BRWD1: variants seen among roughly 807,000 people sequenced by gnomAD.
The protein encoded by BRWD1 is bromodomain and WD repeat-containing protein 1.
BRWD1 carries 82 observed loss-of-function variants against 251.2 expected under a neutral mutation model. The ratio of observed to expected loss-of-function variants is 0.33; its 90% CI spans 0.27 to 0.39. The LOEUF (loss-of-function observed/expected upper bound fraction) is 0.39, where lower values mean the gene tolerates loss of function less well. BRWD1 is among the 10% of genes least tolerant of loss of function. The pLI, the probability that BRWD1 is intolerant of heterozygous loss-of-function variation, is 1.00. For synonymous variants in BRWD1, 918 were observed against 902.8 expected, an observed-to-expected ratio of 1.02 and a Z score of -0.30; for missense variants, 2,233 against 2,711.6, an observed-to-expected ratio of 0.82 and a Z score of 3.92.
rs917014569 is a variant in BRWD1 at position 39,193,013 on chromosome 21, G to A, written c.*3246C>T. ...TAATTTTTACTTACGAGGTCATAAC[G>A]AGTGCAAAGGGCTTAGTGATGCATC... On this transcript the variant is annotated 3_prime_UTR_variant, in exon 41 of 41. Coordinates refer to ENST00000342449, the MANE Select transcript of BRWD1 (RefSeq NM_033656.4). 1.3e-5 allele frequency: 13 copies of A among 984,978 alleles called. No individual in the cohort carries two copies. Among genetic ancestry groups the A allele is most frequent in the Middle Eastern group, 5.2e-4 (1 of 1,914 alleles). 61.0% of individuals were successfully genotyped at this position (984,978 alleles called of 1,614,324 possible).
intron 37 of BRWD1, among the ~76,000 whole-genome samples, chr21:39,203,434 GGTTC>G (rs1379586577): frequency 4.7e-4 from 30 of 64,284 alleles, no homozygotes; most frequent in Non-Finnish European, 5.9e-4. Context: ...GCAAGACCCT[GGTTC>G]TTTTTTTTTT....
chr21:39,286,055 C>T (rs1456784711), intron 8 of BRWD1, among the ~76,000 whole-genome samples: 1 of 139,068 alleles, frequency 7.2e-6, no homozygotes, highest in Non-Finnish European at 1.5e-5. Flanking sequence ...CGCTCTGTCG[C>T]CCAGGCTAGA....
At chr21:39,225,747 A>G (rs1400924858) in intron 27 of BRWD1, among the ~76,000 whole-genome samples, 2 of 152,208 alleles carry the variant, frequency 1.3e-5, no homozygotes, top group African/African-American at 4.8e-5. Flanking sequence ...ATAATGCCAT[A>G]ACTACTAGAC....
rs2031364355 is a variant in BRWD1, at chr21:39,188,405, A to G, written c.*7854T>C. On this transcript the variant is annotated 3_prime_UTR_variant, in exon 41 of 41. Transcript: ENST00000342449. ...TTGATATCCTCCACCCACACTAGACATCTGGAGGACTCCACCACATTCTTT... is the reference window on the plus strand; with the variant it reads ...TTGATATCCTCCACCCACACTAGACGTCTGGAGGACTCCACCACATTCTTT... 1 of 985,284 alleles carries G rather than the reference A, an allele frequency of 1.0e-6. No individual in the cohort carries two copies. The highest frequency in any genetic ancestry group is 1.7e-5 in the African/African-American group (1 of 57,232). The allele number at this position is 985,284 out of a possible 1,614,324, so 61.0% of individuals were successfully genotyped here.
intron 19 of BRWD1, among the ~76,000 whole-genome samples, chr21:39,251,948 CA>C (rs1256871264): frequency 6.6e-6 from 1 of 152,004 alleles, no homozygotes; most frequent in Non-Finnish European, 1.5e-5. Flanking sequence ...GTGGTATTAG[CA>C]AAGATCATAG....
At chr21:39,312,648 T>C (rs1180086440) in intron 4 of BRWD1, 193 bp downstream of exon 4, 3 of 417,214 alleles carry the variant, frequency 7.2e-6, no homozygotes, top group Non-Finnish European at 1.3e-5. Flanking sequence ...CCAATGACTG[T>C]TTCCTGCCAA....
At chr21:39,221,275 A>C (rs1026574974) in intron 29 of BRWD1, among the ~76,000 whole-genome samples, 4 of 152,174 alleles carry the variant, frequency 2.6e-5, no homozygotes, top group Non-Finnish European at 5.9e-5. Context: ...TTAGTGCCTA[A>C]CTTGATGCCC....
chr21:39,233,741 C>G (rs561069421), intron 23 of BRWD1, among the ~76,000 whole-genome samples: 1 of 152,182 alleles, frequency 6.6e-6, no homozygotes, highest in South Asian at 2.1e-4. Context: ...GTAGCTTGGC[C>G]GGGCGCCATG....
At chr21:39,281,771 G>T (rs2035464500) in intron 8 of BRWD1, among the ~76,000 whole-genome samples, 1 of 152,128 alleles carries the variant, frequency 6.6e-6, no homozygotes, top group African/African-American at 2.4e-5. Context: ...AGGAGGCTGA[G>T]GCAGGAGAAT....
At position 39,313,611 on chromosome 21, in the gene BRWD1, C is replaced by A. The variant is rs1239978413; in HGVS notation, c.-120G>T. On this transcript the variant is annotated 5_prime_UTR_variant, in exon 1 of 41. Transcript: ENST00000342449. ...CGCGCGCCGCCGCCGCCGCCGCCGC[C>A]GCCATACCGTGCGCGCCGCCTGGAC... is the stretch of plus-strand genomic sequence containing the variant. 6 of 815,118 alleles carry A rather than the reference C, an allele frequency of 7.4e-6. No homozygotes were observed. Among genetic ancestry groups the A allele is most frequent in the Non-Finnish European group, 9.8e-6 (6 of 609,852 alleles). 50.5% of individuals were successfully genotyped at this position (815,118 alleles called of 1,614,324 possible). A position where few individuals can be genotyped will look rare whatever the true frequency, so the allele number is the denominator to read the frequency against.
At chr21:39,314,061 C>G, upstream of BRWD1, 1 of 456,000 alleles carries the variant, frequency 2.2e-6, no homozygotes, top group Non-Finnish European at 4.4e-6. Flanking sequence ...AGGTCGCCCG[C>G]TCCGGGTCGC....
upstream of BRWD1, among the ~76,000 whole-genome samples, chr21:39,316,861 C>T (rs1179714719): frequency 3.3e-5 from 5 of 151,776 alleles, no homozygotes; most frequent in African/African-American, 1.2e-4. Context: ...TGGCTAGAGC[C>T]GGGGGGGATT....
At chr21:39,205,237 G>C (rs1037163770) in intron 37 of BRWD1, among the ~76,000 whole-genome samples, 1 of 152,194 alleles carries the variant, frequency 6.6e-6, no homozygotes, top group African/African-American at 2.4e-5. Context: ...ATATTGGGAG[G>C]CCAAGGTGGA....
intron 18 of BRWD1, among the ~76,000 whole-genome samples, chr21:39,257,290 A>G (rs1163566595): frequency 6.6e-6 from 1 of 152,080 alleles, no homozygotes; most frequent in African/African-American, 2.4e-5. Flanking sequence ...AGTAGGTGCC[A>G]GAAGAATGCG....
chr21:39,298,279 A>C (rs1328206259), intron 5 of BRWD1, 153 bp downstream of exon 5: 1 of 1,302,740 alleles, frequency 7.7e-7, no homozygotes, highest in African/African-American at 1.5e-5. Context: ...AATAAAATTC[A>C]ATGTTCTATG....
chr21:39,267,020 A>T (rs2034943580), intron 15 of BRWD1, among the ~76,000 whole-genome samples: 1 of 152,252 alleles, frequency 6.6e-6, no homozygotes, highest in Non-Finnish European at 1.5e-5. Context: ...ATTACTGAGT[A>T]TGAAAGGATA....
chr21:39,252,941 G>A (rs941471510), intron 19 of BRWD1, among the ~76,000 whole-genome samples: 2 of 152,126 alleles, frequency 1.3e-5, no homozygotes, highest in African/African-American at 2.4e-5. Flanking sequence ...CACAAATACA[G>A]ATATGTAATA....
intron 29 of BRWD1, chr21:39,219,862 T>C (rs2033102387): frequency 6.6e-6 from 1 of 152,222 alleles, no homozygotes; most frequent in East Asian, 1.9e-4. Flanking sequence ...TCCATTTTAT[T>C]TTCTGCATGA....
At chr21:39,222,163 CAG>C (rs1011316572) in intron 29 of BRWD1, among the ~76,000 whole-genome samples, 4 of 152,048 alleles carry the variant, frequency 2.6e-5, no homozygotes, top group African/African-American at 4.8e-5. Flanking sequence ...AAAGGTTAAA[CAG>C]AGTTACCACG....
Sources: allele counts gnomAD v4.1 joint callset (sites outside exome capture counted in the v4.1 genomes callset), GRCh38; gene constraint gnomAD v4.1.1; transcripts MANE v1.5; gene names NCBI Gene and HGNC (gene_info 2026-07-23, HGNC 2026-07-21).